SNTG2: variants seen among roughly 807,000 people sequenced by gnomAD.
The protein encoded by SNTG2 is syntrophin gamma 2.
In SNTG2, 74 loss-of-function variants were observed where a neutral mutation model predicts 70.9. The observed-to-expected ratio is 1.04, with a 90% CI of 0.86 to 1.27. The LOEUF (loss-of-function observed/expected upper bound fraction) is 1.27, where lower values mean the gene tolerates loss of function less well. Among genes scored for constraint, SNTG2 ranks in the 50% most tolerant of loss-of-function variants. The probability of loss-of-function intolerance (pLI) is 0.00; values close to 1 mark genes in which losing one functional copy is unlikely to be tolerated. For synonymous variants in SNTG2, 278 were observed against 273.8 expected, an observed-to-expected ratio of 1.02 and a Z score of -0.15; for missense variants, 717 against 690.7, an observed-to-expected ratio of 1.04 and a Z score of -0.43.
chr2:1,088,710 CG>C (rs1664832976), intron 2 of SNTG2, among the ~76,000 whole-genome samples: 1 of 152,170 alleles, frequency 6.6e-6, no homozygotes, highest in South Asian at 2.1e-4. Flanking sequence ...ATTCTTCCCT[CG>C]TTATGTTCTA....
chr2:1,339,526 A>G (rs954539520), intron 16 of SNTG2, among the ~76,000 whole-genome samples: 1 of 152,226 alleles, frequency 6.6e-6, no homozygotes, highest in Non-Finnish European at 1.5e-5. Flanking sequence ...CATTGATAGA[A>G]GGAATGGTTT....
chr2:1,041,007 G>T lies in SNTG2; in HGVS notation c.73-42511G>T, dbSNP rs148835691. Among the ~76,000 whole-genome samples the T allele has an allele frequency of 8.7e-4, 132 of 152,288 alleles. 1 individual carries two copies. Among genetic ancestry groups the T allele is most frequent in the Non-Finnish European group, 1.6e-3 (110 of 68,030 alleles). ...TTGGTGGAGGCTAATGTTAAATTCC[G>T]GGACTGGCAGAGAAAAGGGAATACC... On this transcript the variant is annotated intron_variant, in intron 1 of 16. Coordinates refer to ENST00000308624, the MANE Select transcript of SNTG2 (RefSeq NM_018968.4).
In SNTG2 at chr2:1,239,857, G is replaced by A. The variant is rs761944456; in HGVS notation, c.888+81G>A. 2.9e-5 allele frequency: 44 copies of A among 1,511,738 alleles called. No homozygotes were observed. The Admixed American group carries it at 4.0e-4, about 14-fold the overall frequency. 93.6% of individuals were successfully genotyped at this position (1,511,738 alleles called of 1,614,324 possible). On this transcript the variant is annotated intron_variant, in intron 11 of 16. Transcript: ENST00000308624. ...TCTGATTCATGATGTAACACATCTC[G>A]AAAAGCAGTCTCTGGTTTTTTGAAA... is the stretch of plus-strand genomic sequence containing the variant.
Position 1,354,417 on chromosome 2 carries a change from A to G in SNTG2, c.1489-12926A>G, listed in dbSNP as rs75455979. The stretch of plus-strand genomic sequence containing the variant: ...TCCCTGAGCCTCATCTGTAAAGTGG[A>G]TACGTTTCCATGGGGGAAGTGGAAG... On this transcript the variant is annotated intron_variant, in intron 16 of 16. Transcript: ENST00000308624. Among the ~76,000 whole-genome samples, 4 of 13,304 alleles carry G rather than the reference A, an allele frequency of 3.0e-4. 1 individual carries two copies. The highest frequency in any genetic ancestry group is 0.011 in the South Asian group (2 of 184). The allele number at this position is 13,304 out of a possible 152,430, so 8.7% of individuals were successfully genotyped here. A position where few individuals can be genotyped will look rare whatever the true frequency, so the allele number is the denominator to read the frequency against.
chr2:1,138,916 CAGT>C (rs1415341361), intron 6 of SNTG2, among the ~76,000 whole-genome samples: 1 of 152,212 alleles, frequency 6.6e-6, no homozygotes, highest in East Asian at 1.9e-4. Context: ...GCACACGCAG[CAGT>C]CTGTAACTAA....
At chr2:1,020,451 T>C (rs540738331) in intron 1 of SNTG2, among the ~76,000 whole-genome samples, 70 of 152,344 alleles carry the variant, frequency 4.6e-4, no homozygotes, top group African/African-American at 1.6e-3. Flanking sequence ...GCAGAAGGAC[T>C]TATTTTTACC....
chr2:963,773 T>A (rs1660436249), intron 1 of SNTG2, among the ~76,000 whole-genome samples: 1 of 152,348 alleles, frequency 6.6e-6, no homozygotes, highest in African/African-American at 2.4e-5. Flanking sequence ...AAACTAACTC[T>A]AGAATCTTAA....
chr2:1,089,348 A>G (rs572642365), intron 2 of SNTG2, among the ~76,000 whole-genome samples: 67 of 152,372 alleles, frequency 4.4e-4, no homozygotes, highest in Non-Finnish European at 7.5e-4. Context: ...CGTATTCATT[A>G]TAAAAGTTTA....
intron 4 of SNTG2, among the ~76,000 whole-genome samples, chr2:1,127,024 A>AT (rs1486501464): frequency 1.3e-5 from 2 of 149,718 alleles, no homozygotes; most frequent in African/African-American, 4.9e-5. Flanking sequence ...GTTTTATACA[A>AT]TTTTTTCTCA....
chr2:1,139,367 G>A (rs1668604004), intron 6 of SNTG2, among the ~76,000 whole-genome samples: 1 of 152,160 alleles, frequency 6.6e-6, no homozygotes, highest in Non-Finnish European at 1.5e-5. Flanking sequence ...AAGGAGCTGG[G>A]ATTATAGACG....
At chr2:1,139,826 CAAAAAAAAAAAA>C (rs139384127) in intron 6 of SNTG2, among the ~76,000 whole-genome samples, 1 of 101,030 alleles carries the variant, frequency 9.9e-6, no homozygotes, top group Non-Finnish European at 2.0e-5. Flanking sequence ...GACTCCATCT[CAAAAAAAAAAAA>C]AAAAAAAAAA....
In SNTG2 at chr2:1,307,246, G is replaced by A. The variant is rs531695840; in HGVS notation, c.1285-1248G>A. ...TGTCTGTGTCTGTGGTGGGTGAGCC[G>A]TGCATTGTGTATAAGTGTGTGTGTG... On this transcript the variant is annotated intron_variant, in intron 14 of 16. Transcript: ENST00000308624. Among the ~76,000 whole-genome samples, 8 of 147,636 alleles carry A rather than the reference G, an allele frequency of 5.4e-5. No homozygotes were observed. In the South Asian group the frequency reaches 6.6e-4, roughly 12 times the overall value.
chr2:1,255,845 TATATATAA>T (rs879624576), intron 12 of SNTG2, among the ~76,000 whole-genome samples: 11,974 of 57,694 alleles, frequency 0.21, 750 homozygotes, highest in Middle Eastern at 0.32. Flanking sequence ...TATATATAAA[TATATATAA>T]ATATATATAA....
Position 1,231,813 on chromosome 2 carries a change from T to C in SNTG2, c.720-6075T>C, listed in dbSNP as rs555785178. On this transcript the variant is annotated intron_variant, in intron 9 of 16. Coordinates refer to ENST00000308624, the MANE Select transcript of SNTG2 (RefSeq NM_018968.4). ...AATCCTGCTGGGTCTTCTCAAACAT[T>C]TACTCACAAAGCAAACACTCACGTG... Among the ~76,000 whole-genome samples, 6 of 152,150 alleles carry C rather than the reference T, an allele frequency of 3.9e-5. No individual in the cohort carries two copies. The South Asian group carries it at 1.2e-3, about 32-fold the overall frequency.
intron 1 of SNTG2, among the ~76,000 whole-genome samples, chr2:983,414 G>T (rs1661199044): frequency 6.8e-6 from 1 of 147,642 alleles, no homozygotes; most frequent in Non-Finnish European, 1.5e-5. Context: ...CAGAGGTGGT[G>T]GTCAGGCTGC....
intron 12 of SNTG2, among the ~76,000 whole-genome samples, chr2:1,248,301 T>A (rs78360736): frequency 7.9e-5 from 12 of 152,330 alleles, no homozygotes; most frequent in Admixed American, 2.0e-4. Context: ...CCCGTCTGCC[T>A]CCACTCAGCT....
At chr2:1,186,649 G>A (rs1166644792) in intron 8 of SNTG2, among the ~76,000 whole-genome samples, 1 of 152,032 alleles carries the variant, frequency 6.6e-6, no homozygotes. Context: ...AGAAGGGGGA[G>A]GTGCTACACA....
intron 16 of SNTG2, among the ~76,000 whole-genome samples, chr2:1,325,490 T>C (rs1157105858): frequency 6.6e-6 from 1 of 152,256 alleles, no homozygotes; most frequent in Non-Finnish European, 1.5e-5. Flanking sequence ...CTGTTTAATG[T>C]TGTGTTAGCA....
chr2:1,119,937 ATTCT>A (rs1229724915), intron 4 of SNTG2, among the ~76,000 whole-genome samples: 1 of 151,934 alleles, frequency 6.6e-6, no homozygotes, highest in Non-Finnish European at 1.5e-5. Context: ...GTCATTGGTC[ATTCT>A]TTATCTATCA....
Sources: gnomAD v4.1 joint callset for allele counts (sites outside exome capture counted in the v4.1 genomes callset) on GRCh38, gnomAD v4.1.1 for gene constraint, MANE v1.5 for transcripts, NCBI Gene and HGNC (gene_info 2026-07-23, HGNC 2026-07-21) for gene names.